Variants in MAD1L1 observed in about 807,000 individuals in gnomAD.
MAD1L1 encodes the protein mitotic arrest deficient 1 like 1.
A neutral mutation model predicts 96.9 loss-of-function variants in MAD1L1; 95 were observed. The ratio of observed to expected loss-of-function variants is 0.98; its 90% CI spans 0.83 to 1.16. MAD1L1 has a LOEUF of 1.16. MAD1L1 is among the 50% of genes most tolerant of loss of function. MAD1L1 has a pLI of 0.00. For synonymous variants in MAD1L1, 473 were observed against 396.6 expected (o/e 1.19, Z -2.29); for missense variants, 1,007 against 954.4 (o/e 1.06, Z -0.73).
intron 18 of MAD1L1, among the ~76,000 whole-genome samples, chr7:1,855,621 G>A (rs1369510042): frequency 3.3e-5 from 5 of 152,042 alleles, no homozygotes; most frequent in African/African-American, 4.8e-5. Flanking sequence ...TCCTCAGAGC[G>A]GCCTTGTCCG....
At chr7:1,856,487 G>A (rs10264261) in intron 18 of MAD1L1, among the ~76,000 whole-genome samples, 1,808 of 152,340 alleles carry the variant, frequency 0.012, 36 homozygotes, top group African/African-American at 0.04. Context: ...CACAGCCCCC[G>A]CTGGCCAGCT....
At chr7:2,071,541 G>C (rs1785126993) in intron 11 of MAD1L1, among the ~76,000 whole-genome samples, 2 of 152,208 alleles carry the variant, frequency 1.3e-5, no homozygotes, top group Admixed American at 1.3e-4. Context: ...GACGGTGGCT[G>C]CAGCCCCTGG....
intron 17 of MAD1L1, among the ~76,000 whole-genome samples, chr7:1,931,827 T>C (rs1257274223): frequency 1.3e-5 from 2 of 152,222 alleles, no homozygotes; most frequent in African/African-American, 2.4e-5. Flanking sequence ...CCAGAGCCAA[T>C]GGTCGTCCTG....
intron 14 of MAD1L1, among the ~76,000 whole-genome samples, chr7:1,981,092 G>T (rs1421953520): frequency 6.6e-6 from 1 of 152,136 alleles, no homozygotes; most frequent in East Asian, 1.9e-4. Flanking sequence ...TCAGCCTCCT[G>T]AGTAGCTGGG....
intron 18 of MAD1L1, among the ~76,000 whole-genome samples, chr7:1,854,015 G>C (rs535705511): frequency 2.6e-5 from 4 of 152,324 alleles, no homozygotes; most frequent in African/African-American, 9.6e-5. Context: ...CGTGCACTGG[G>C]AGCTTCACGA....
At chr7:1,830,745 C>T (rs1782662313) in intron 18 of MAD1L1, among the ~76,000 whole-genome samples, 2 of 152,004 alleles carry the variant, frequency 1.3e-5, no homozygotes. Flanking sequence ...CTAACACAAC[C>T]TGTAAAAAAT....
At chr7:2,067,784 T>C (rs980356034) in intron 12 of MAD1L1, among the ~76,000 whole-genome samples, 4 of 152,244 alleles carry the variant, frequency 2.6e-5, no homozygotes, top group Non-Finnish European at 5.9e-5. Flanking sequence ...GGGAAATTCT[T>C]GGGTCCCCAC....
At position 2,037,435 on chromosome 7, in the gene MAD1L1, G is replaced by C. The variant is rs375084298; in HGVS notation, c.1219-22793C>G. 5.9e-5 allele frequency among the ~76,000 whole-genome samples: 9 copies of C among 152,026 alleles called. No individual in the cohort carries two copies. In the East Asian group the frequency reaches 1.6e-3, roughly 26 times the overall value. The stretch of plus-strand genomic sequence containing the variant: ...AAGGCTTGTGGCCGTCCTGCCTTCG[G>C]CGAGGCACCATGTTCCCAACAGCAT... On this transcript the variant is annotated intron_variant, in intron 12 of 18. Transcript: ENST00000265854.
intron 17 of MAD1L1, among the ~76,000 whole-genome samples, chr7:1,924,919 C>T (rs967636661): frequency 1.3e-5 from 2 of 151,878 alleles, no homozygotes; most frequent in East Asian, 1.9e-4. Context: ...TAAGCTTGCA[C>T]ATTGTAAACC....
chr7:2,139,997 C>CCCCCG lies in MAD1L1; in HGVS notation c.1073+9154_1073+9155insCGGGG, dbSNP rs375660018. ...GGTCTACTATCTGGACCCCGCCCCCCCCCAGTCCCTGCCCTGCTCCACTGC... is the reference window on the plus strand; with the variant it reads ...GGTCTACTATCTGGACCCCGCCCCCCCCCCGCCCAGTCCCTGCCCTGCTCCACTGC... On this transcript the variant is annotated intron_variant, in intron 11 of 18. Coordinates refer to ENST00000265854, the MANE Select transcript of MAD1L1 (RefSeq NM_001013836.2). Among the ~76,000 whole-genome samples the CCCCCG allele has an allele frequency of 4.6e-4, 69 of 148,860 alleles. 1 individual carries two copies. Among genetic ancestry groups the CCCCCG allele is most frequent in the African/African-American group, 1.2e-3 (48 of 39,644 alleles).
chr7:1,928,177 A>T (rs1431653891), intron 17 of MAD1L1, among the ~76,000 whole-genome samples: 1 of 147,452 alleles, frequency 6.8e-6, no homozygotes, highest in African/African-American at 2.5e-5. Flanking sequence ...GCCACGCCTG[A>T]GACTGTTCCC....
intron 18 of MAD1L1, among the ~76,000 whole-genome samples, chr7:1,828,605 C>T (rs1707498891): frequency 6.6e-6 from 1 of 152,214 alleles, no homozygotes; most frequent in Non-Finnish European, 1.5e-5. Context: ...GCCCTGCTCC[C>T]ACCTCACATT....
At chr7:1,930,762 G>A (rs1343825700) in intron 17 of MAD1L1, among the ~76,000 whole-genome samples, 2 of 151,422 alleles carry the variant, frequency 1.3e-5, no homozygotes, top group Non-Finnish European at 1.5e-5. Context: ...GTGGGACACT[G>A]GGCGCTGTCT....
chr7:1,905,738 T>C (rs865928827), intron 17 of MAD1L1, among the ~76,000 whole-genome samples: 1 of 152,290 alleles, frequency 6.6e-6, no homozygotes, highest in South Asian at 2.1e-4. Flanking sequence ...CCCCCATCTG[T>C]GTCCTGGGAT....
intron 9 of MAD1L1, among the ~76,000 whole-genome samples, chr7:2,215,247 G>C (rs1281798314): frequency 6.6e-6 from 1 of 151,862 alleles, no homozygotes; most frequent in Non-Finnish European, 1.5e-5. Flanking sequence ...GTGTGGTGGC[G>C]CACGCCTGTA....
At chr7:2,092,491 T>C (rs4721390) in intron 11 of MAD1L1, among the ~76,000 whole-genome samples, 13,177 of 151,026 alleles carry the variant, frequency 0.087, 651 homozygotes, top group African/African-American at 0.13. Flanking sequence ...ACGCCCCGCC[T>C]AAGCATCCTC....
In MAD1L1 at chr7:1,916,123, G is replaced by C. The variant is rs140045125; in HGVS notation, c.1808-17733C>G. Among the ~76,000 whole-genome samples the C allele has an allele frequency of 6.2e-3, 937 of 152,320 alleles. 12 individuals carry two copies. The highest frequency in any genetic ancestry group is 0.022 in the African/African-American group (896 of 41,568). The stretch of plus-strand genomic sequence containing the variant: ...ACTCCGCACCCACCAGTGGGGCTGT[G>C]GTCAGAAAGAGAGATGCCACCAACA... On this transcript the variant is annotated intron_variant, in intron 17 of 18. Transcript: ENST00000265854.
intron 18 of MAD1L1, among the ~76,000 whole-genome samples, chr7:1,888,240 C>T (rs1786272679): frequency 7.0e-6 from 1 of 143,570 alleles, no homozygotes; most frequent in South Asian, 2.2e-4. Context: ...ATGTATGTGG[C>T]TGCCTATGCA....
chr7:1,903,103 G>A (rs12667258), intron 17 of MAD1L1, among the ~76,000 whole-genome samples: 4,297 of 145,014 alleles, frequency 0.03, 117 homozygotes, highest in African/African-American at 0.075. Context: ...TCCAGGCAGC[G>A]AGGACGCAGT....
Sources: allele counts gnomAD v4.1 joint callset (sites outside exome capture counted in the v4.1 genomes callset), GRCh38; gene constraint gnomAD v4.1.1; transcripts MANE v1.5; gene names NCBI Gene and HGNC (gene_info 2026-07-23, HGNC 2026-07-21).